Variants in CAND1 observed in about 807,000 individuals in gnomAD.
CAND1 encodes cullin-associated NEDD8-dissociated protein 1.
A neutral mutation model predicts 108.5 loss-of-function variants in CAND1; 7 were observed. That is an observed-to-expected ratio of 0.06 (90% CI 0.04 to 0.12). The LOEUF is 0.12. Ranked by LOEUF, CAND1 falls within the 10% of genes least tolerant of loss-of-function variation. The pLI, the probability that CAND1 is intolerant of heterozygous loss-of-function variation, is 1.00. For missense variants in CAND1, 941 were observed against 1,448.7 expected (o/e 0.65, Z 5.69); for synonymous variants, 534 against 512.0 (o/e 1.04, Z -0.58).
At chr12:67,297,924 G>C (rs2044786007) in intron 6 of CAND1, 71 bp downstream of exon 6, 1 of 775,948 alleles carries the variant, frequency 1.3e-6, no homozygotes. Flanking sequence ...GTCTACATTA[G>C]GTGTGTGAGG....
Position 67,305,108 on chromosome 12 carries a change from C to G in CAND1, c.1440C>G (p.Ile480Met), listed in dbSNP as rs756106803. The G allele has an allele frequency of 3.1e-6, 5 of 1,603,266 alleles. No homozygotes were observed. Among genetic ancestry groups the G allele is most frequent in the Non-Finnish European group, 4.3e-6 (5 of 1,175,254 alleles). ...GATTTTTTGTTGGCTTTTTAGGAAT[C>G]ATTTTCTCACTGAATGATAAATCAA... is the stretch of plus-strand genomic sequence containing the variant. ...TQHIPVLVPG[I>M]IFSLNDKSSS... is the part of the protein sequence containing the mutation. Residue 480 changes from isoleucine (I) to methionine (M), a missense_variant, in exon 10 of 15, where the codon ATC (isoleucine) becomes ATG (methionine). Physicochemically the swap from Ile to Met is conservative, Grantham distance 10. This residue lies in a region of CAND1 where 697 missense variants were observed against 942.0 expected (regional missense o/e 0.74). Coordinates refer to ENST00000545606, the MANE Select transcript of CAND1 (RefSeq NM_018448.5). This position sits in a 1 kb window ranked among gnomAD's most constrained non-coding sequence, Gnocchi z 4.4.
In CAND1 at chr12:67,282,045, T is replaced by C; in HGVS notation, c.204T>C (p.Ala68=). Residue 68 remains alanine, a synonymous_variant, in exon 2 of 15, where the codon GCT becomes GCC. Coordinates refer to ENST00000545606, the MANE Select transcript of CAND1 (RefSeq NM_018448.5). ...AAAATGGAGAGGTACAGAATTTAGCTGTCAAATGGTAAGTTGTTTTTTACT... is the reference window on the plus strand; with the variant it reads ...AAAATGGAGAGGTACAGAATTTAGCCGTCAAATGGTAAGTTGTTTTTTACT... The part of the protein sequence containing the change: ...EDKNGEVQNL[A]VKCLGPLVSK... 1 of 1,611,548 alleles carries C rather than the reference T, an allele frequency of 6.2e-7. No individual in the cohort carries two copies. Among genetic ancestry groups the C allele is most frequent in the East Asian group, 2.2e-5 (1 of 44,736 alleles).
chr12:67,273,712 G>A (rs573484063), intron 1 of CAND1, among the ~76,000 whole-genome samples: 19 of 151,736 alleles, frequency 1.3e-4, no homozygotes, highest in African/African-American at 3.6e-4. Flanking sequence ...CTTGATTTCC[G>A]GCAATCTGCC....
chr12:67,289,227 T>G (rs1489297441), intron 2 of CAND1, among the ~76,000 whole-genome samples: 1 of 152,160 alleles, frequency 6.6e-6, no homozygotes, highest in Admixed American at 6.5e-5. Flanking sequence ...ATTTTTATTT[T>G]ATTTGTTTGA....
chr12:67,290,895 C>T (rs867292000), intron 2 of CAND1, among the ~76,000 whole-genome samples: 4 of 152,252 alleles, frequency 2.6e-5, no homozygotes, highest in South Asian at 2.1e-4. Flanking sequence ...CGGTGGCATT[C>T]GATTCTCATA....
At chr12:67,291,330 G>A (rs2044719899) in intron 2 of CAND1, among the ~76,000 whole-genome samples, 1 of 152,158 alleles carries the variant, frequency 6.6e-6, no homozygotes, top group African/African-American at 2.4e-5. Flanking sequence ...ATTTAGACAA[G>A]TATATAAAAG....
At chr12:67,290,196 TC>T (rs1319877481) in intron 2 of CAND1, among the ~76,000 whole-genome samples, 13 of 152,206 alleles carry the variant, frequency 8.5e-5, no homozygotes, top group African/African-American at 3.1e-4. Flanking sequence ...GAAATGCTTT[TC>T]TTTTCTCACT....
intron 2 of CAND1, among the ~76,000 whole-genome samples, chr12:67,286,065 T>C (rs142867718): frequency 3.3e-5 from 5 of 152,320 alleles, no homozygotes; most frequent in South Asian, 4.1e-4. Context: ...TGGAGTGCAG[T>C]GGCTGGATCT....
intron 2 of CAND1, among the ~76,000 whole-genome samples, chr12:67,288,664 A>G (rs2044695152): frequency 6.6e-6 from 1 of 152,232 alleles, no homozygotes; most frequent in African/African-American, 2.4e-5. Context: ...GATTGGTCTC[A>G]ACTTCAAATA....
rs774912866 is a variant in CAND1 at position 67,306,566 on chromosome 12, C to T, written c.2898C>T (p.Leu966=). The T allele has an allele frequency of 1.2e-6, 2 of 1,613,342 alleles. No individual in the cohort carries two copies. The highest frequency in any genetic ancestry group is 1.3e-5 in the African/African-American group (1 of 75,018). The change falls in exon 10 of 15, where the codon CTC becomes CTT. Residue 966 remains leucine (L), a synonymous_variant. Coordinates refer to ENST00000545606, the MANE Select transcript of CAND1 (RefSeq NM_018448.5). ...TCACTCTAATTGATCCAGAAACTCT[C>T]CTTCCACGGCTTAAGGGGTACTTGA... ...GKLTLIDPET[L]LPRLKGYLIS... is the part of the protein sequence containing the mutation.
Position 67,297,423 on chromosome 12 carries a change from G to A in CAND1, c.508G>A (p.Val170Ile). The A allele has an allele frequency of 6.2e-7, 1 of 1,611,324 alleles. No homozygotes were observed. The highest frequency in any genetic ancestry group is 8.5e-7 in the Non-Finnish European group (1 of 1,178,982). Residue 170 changes from valine to isoleucine, a missense_variant, in exon 5 of 15, where the codon GTT becomes ATT. Around this residue, in one of 9 missense-constraint regions of CAND1, gnomAD observed 697 missense variants for 942.0 expected, o/e 0.74. Transcript: ENST00000545606. ...DMLSRQGGLL[V>I]NFHPSILTCL... ...TATTTTAAGGCAAGGAGGACTTCTT[G>A]TTAATTTCCATCCTTCAATTCTGAC... is the stretch of plus-strand genomic sequence containing the variant.
intron 1 of CAND1, among the ~76,000 whole-genome samples, chr12:67,274,042 A>AC (rs1191078217): frequency 2.0e-5 from 3 of 152,054 alleles, no homozygotes; most frequent in Admixed American, 2.0e-4. Context: ...GGATCTCTTT[A>AC]CCCCCAGAAC....
At chr12:67,276,774 AG>A (rs1374633472) in intron 1 of CAND1, among the ~76,000 whole-genome samples, 9 of 152,340 alleles carry the variant, frequency 5.9e-5, no homozygotes, top group Middle Eastern at 3.4e-3. Context: ...ACTGAGGTTT[AG>A]TTATGAGTCT....
intron 4 of CAND1, among the ~76,000 whole-genome samples, chr12:67,295,392 A>C (rs1209787304): frequency 2.0e-5 from 3 of 152,164 alleles, no homozygotes; most frequent in Non-Finnish European, 4.4e-5. Context: ...AATTAATAAA[A>C]TTTGTGATTT....
chr12:67,306,123 G>C lies in CAND1; in HGVS notation c.2455G>C (p.Gly819Arg). ...CCCTAAAGAGGGACCAGCTGTAGTA[G>C]GTCAGTTTATTCAAGATGTCAAGAA... ...ACPKEGPAVV[G>R]QFIQDVKNSR... Residue 819 changes from glycine (G) to arginine (R), a missense_variant, in exon 10 of 15, where the codon GGT becomes CGT. Gly to Arg is a moderately radical substitution (Grantham distance 125). This residue lies in a region of CAND1 where 697 missense variants were observed against 942.0 expected (regional missense o/e 0.74). Transcript: ENST00000545606. The C allele has an allele frequency of 1.2e-6, 2 of 1,614,090 alleles. No homozygotes were observed. Among genetic ancestry groups the C allele is most frequent in the African/African-American group, 1.3e-5 (1 of 75,038 alleles).
At chr12:67,290,044 GTAATATCATAGGTGGTTATTTT>G (rs1173589424) in intron 2 of CAND1, among the ~76,000 whole-genome samples, 16 of 152,134 alleles carry the variant, frequency 1.1e-4, no homozygotes, top group Non-Finnish European at 2.2e-4. Context: ...AGAGTTCTCT[GTAATATCATAGGTGGTTATTTT>G]TCCTATGGTG....
chr12:67,281,845 A>C (rs1190773180), intron 1 of CAND1, 65 bp from the exon 2 acceptor site: 1 of 1,207,612 alleles, frequency 8.3e-7, no homozygotes, highest in African/African-American at 1.5e-5. Flanking sequence ...GGATTTGAAA[A>C]ATCATTATCT....
chr12:67,271,700 C>G (rs922331945), intron 1 of CAND1, among the ~76,000 whole-genome samples: 2 of 152,142 alleles, frequency 1.3e-5, no homozygotes, highest in Non-Finnish European at 2.9e-5. Context: ...TGTACTGAAT[C>G]AAAACAATTC....
chr12:67,305,480 G>A lies in CAND1; in HGVS notation c.1812G>A (p.Leu604=). ...GQIICNLGDN[L]GSDLPNTLQI... ...TTATTTGCAACCTTGGAGACAATTT[G>A]GGTTCTGACTTGCCTAATACACTTC... The change falls in exon 10 of 15, where the codon TTG becomes TTA. Residue 604 remains leucine, a synonymous_variant. Coordinates refer to ENST00000545606, the MANE Select transcript of CAND1 (RefSeq NM_018448.5). The surrounding 1 kb of genome is among the most constrained non-coding windows in gnomAD (Gnocchi z 4.4). 1 of 1,613,710 alleles carries A rather than the reference G, an allele frequency of 6.2e-7. No individual in the cohort carries two copies. Among genetic ancestry groups the A allele is most frequent in the South Asian group, 1.1e-5 (1 of 91,080 alleles).
Sources: gnomAD v4.1 joint callset for allele counts (sites outside exome capture counted in the v4.1 genomes callset) on GRCh38, gnomAD v4.1.1 for gene constraint, gnomAD v4.1.1 regional missense constraint, Gnocchi (gnomAD v3.1) non-coding constraint, MANE v1.5 for transcripts, NCBI Gene and HGNC (gene_info 2026-07-23, HGNC 2026-07-21) for gene names.